Variants in ACOX3 observed in about 807,000 individuals in gnomAD.
ACOX3 encodes acyl-CoA oxidase 3, pristanoyl, also known as peroxisomal acyl-coenzyme A oxidase 3.
A neutral mutation model predicts 81.5 loss-of-function variants in ACOX3; 73 were observed. That is an observed-to-expected ratio of 0.90 (90% CI 0.74 to 1.09). The LOEUF (loss-of-function observed/expected upper bound fraction) is 1.09, where lower values mean the gene tolerates loss of function less well. Among genes scored for constraint, ACOX3 ranks in the 50% least tolerant of loss-of-function variants. The probability of loss-of-function intolerance (pLI) is 0.00; values close to 1 mark genes in which losing one functional copy is unlikely to be tolerated. For synonymous variants in ACOX3, 387 were observed against 375.1 expected (o/e 1.03, Z -0.37); for missense variants, 947 against 928.0 (o/e 1.02, Z -0.27).
intron 15 of ACOX3, 143 bp from the exon 16 acceptor site, chr4:8,373,771 GC>G: frequency 1.4e-6 from 1 of 711,016 alleles, no homozygotes; most frequent in Non-Finnish European, 2.4e-6. Flanking sequence ...GCTGTCCCCA[GC>G]CCAGATGTGA....
chr4:8,386,017 C>T lies in ACOX3; in HGVS notation c.1537+3156G>A, dbSNP rs1458993804. The stretch of plus-strand genomic sequence containing the variant: ...CATCTTGTAAATATTAGAGCAGTTG[C>T]AGAAAAGCAGATGACTTTGGTGTCT... On this transcript the variant is annotated intron_variant, in intron 13 of 17. Transcript: ENST00000356406. The surrounding 1 kb of genome is among the most constrained non-coding windows in gnomAD (Gnocchi z 5.2). 6.6e-6 allele frequency among the ~76,000 whole-genome samples: 1 copy of T among 152,174 alleles called. No individual in the cohort carries two copies. Among genetic ancestry groups the T allele is most frequent in the Non-Finnish European group, 1.5e-5 (1 of 68,040 alleles).
chr4:8,362,639 T>G (rs1183280132), downstream of ACOX3, among the ~76,000 whole-genome samples: 1 of 152,224 alleles, frequency 6.6e-6, no homozygotes, highest in Non-Finnish European at 1.5e-5. Context: ...CTTGGCGAAA[T>G]GCCTCATACC....
At chr4:8,388,701 G>T (rs1207962867) in intron 13 of ACOX3, among the ~76,000 whole-genome samples, 1 of 152,202 alleles carries the variant, frequency 6.6e-6, no homozygotes. Context: ...GTGCCACAGG[G>T]GCCGAGTGAA....
At chr4:8,364,174 C>T (rs1293741934), downstream of ACOX3, among the ~76,000 whole-genome samples, 5 of 152,162 alleles carry the variant, frequency 3.3e-5, no homozygotes, top group Non-Finnish European at 7.4e-5. This position sits in a 1 kb window ranked among gnomAD's most constrained non-coding sequence, Gnocchi z 5.0. Context: ...AACCAATGTG[C>T]ACTCTCCATG....
chr4:8,424,509 G>T (rs950623568), intron 1 of ACOX3, among the ~76,000 whole-genome samples: 1 of 152,226 alleles, frequency 6.6e-6, no homozygotes, highest in African/African-American at 2.4e-5. Flanking sequence ...TATGGGTAAT[G>T]GCAGCAGTAG....
intron 1 of ACOX3, among the ~76,000 whole-genome samples, chr4:8,424,285 C>T (rs1011620532): frequency 6.6e-6 from 1 of 152,226 alleles, no homozygotes; most frequent in South Asian, 2.1e-4. Flanking sequence ...AAGAAGGACA[C>T]CTGAAGCAGA....
chr4:8,408,894 GGGGGGGGGGT>G (rs1721349785), intron 6 of ACOX3, among the ~76,000 whole-genome samples: 2 of 47,818 alleles, frequency 4.2e-5, no homozygotes, highest in African/African-American at 7.5e-5. Flanking sequence ...CCCTCACTGG[GGGGGGGGGGT>G]GGGGGGGGGG....
intron 1 of ACOX3, among the ~76,000 whole-genome samples, chr4:8,420,889 T>C (rs1056485187): frequency 6.6e-6 from 1 of 152,218 alleles, no homozygotes; most frequent in Admixed American, 6.5e-5. Flanking sequence ...TGTTCCTGCA[T>C]GGCTAAGTGC....
At chr4:8,393,656 C>G (rs1719333432) in intron 10 of ACOX3, among the ~76,000 whole-genome samples, 1 of 149,956 alleles carries the variant, frequency 6.7e-6, no homozygotes, top group African/African-American at 2.4e-5. Context: ...CACACACACA[C>G]ACACGCATGC....
rs1195142894 is a variant in ACOX3 at position 8,414,754 on chromosome 4, C to A, written c.453+100G>T. The A allele has an allele frequency of 1.7e-6, 2 of 1,193,396 alleles. No homozygotes were observed. The highest frequency in any genetic ancestry group is 1.7e-5 in the African/African-American group (1 of 59,684). 73.9% of individuals were successfully genotyped at this position (1,193,396 alleles called of 1,614,324 possible). ...CACTAGGAAACAAGAAGAGCATAAG[C>A]CCCCTGGGCACCCCCTTCTACAATC... On this transcript the variant is annotated intron_variant, in intron 4 of 17. Coordinates refer to ENST00000356406, the MANE Select transcript of ACOX3 (RefSeq NM_003501.3). This position sits in a 1 kb window ranked among gnomAD's most constrained non-coding sequence, Gnocchi z 6.1.
At chr4:8,390,102 C>CAAAAAAAAAAAAAAAAAAAA in intron 11 of ACOX3, among the ~76,000 whole-genome samples, 1 of 84,156 alleles carries the variant, frequency 1.2e-5, no homozygotes, top group African/African-American at 6.5e-5. Flanking sequence ...GACCCTGTCT[C>CAAAAAAAAAAAAAAAAAAAA]AACAACAACA....
intron 7 of ACOX3, among the ~76,000 whole-genome samples, chr4:8,404,720 C>T (rs1287976879): frequency 6.6e-6 from 1 of 152,194 alleles, no homozygotes; most frequent in Non-Finnish European, 1.5e-5. Context: ...TCATGATAAC[C>T]AGTTATTTCC....
rs536872411 is a variant in ACOX3 at position 8,415,957 on chromosome 4, G to A, written c.187C>T (p.Arg63Cys). ...AAGGACAGATCGGCTCCAGGGGAACGAGCGAAAAGAGGGTCATTCTCAAGA... is the reference window on the plus strand; with the variant it reads ...AAGGACAGATCGGCTCCAGGGGAACAAGCGAAAAGAGGGTCATTCTCAAGA... ...SALENDPLFARSPGADLSLEK... is the reference protein window; with the variant it reads ...SALENDPLFACSPGADLSLEK... Residue 63 changes from arginine (R) to cysteine (C), a missense_variant, in exon 3 of 18, where the codon CGT (arginine) becomes TGT (cysteine). By Grantham distance (180) the Arg-to-Cys change is radical. Transcript: ENST00000356406. 33 of 1,614,178 alleles carry A rather than the reference G, an allele frequency of 2.0e-5. No homozygotes were observed. Among genetic ancestry groups the A allele is most frequent in the East Asian group, 6.7e-5 (3 of 44,888 alleles).
chr4:8,428,466 C>T (rs1723730763), intron 1 of ACOX3: 1 of 152,428 alleles, frequency 6.6e-6, no homozygotes, highest in Non-Finnish European at 1.5e-5. Flanking sequence ...CGCCACGCCT[C>T]TCGGCCTCCG....
rs1338325184 is a variant in ACOX3, at chr4:8,386,736, G to A, written c.1537+2437C>T. ...CGAGAAAGCAAGCAGTGATGCAGACGCTTCCTGATGACGATGCTGACGGTG... is the reference window on the plus strand; with the variant it reads ...CGAGAAAGCAAGCAGTGATGCAGACACTTCCTGATGACGATGCTGACGGTG... On this transcript the variant is annotated intron_variant, in intron 13 of 17. Transcript: ENST00000356406. This position sits in a 1 kb window ranked among gnomAD's most constrained non-coding sequence, Gnocchi z 5.2. 1.3e-5 allele frequency among the ~76,000 whole-genome samples: 2 copies of A among 152,146 alleles called. No individual in the cohort carries two copies. Among genetic ancestry groups the A allele is most frequent in the African/African-American group, 4.8e-5 (2 of 41,434 alleles).
chr4:8,402,066 GAAC>G (rs1442705559), intron 7 of ACOX3, among the ~76,000 whole-genome samples: 1 of 152,238 alleles, frequency 6.6e-6, no homozygotes, highest in African/African-American at 2.4e-5. Flanking sequence ...GGCATGGTAT[GAAC>G]AAGTCAGGTG....
rs1721054828 is a variant in ACOX3 at position 8,406,989 on chromosome 4, G to A, written c.688-946C>T. Among the ~76,000 whole-genome samples the A allele has an allele frequency of 6.6e-6, 1 of 152,170 alleles. No homozygotes were observed. The highest frequency in any genetic ancestry group is 2.4e-5 in the African/African-American group (1 of 41,440). ...AGGGAAAGGGAGACTCCCTTTCCCA[G>A]TCTGCTAAGTAGCAGGTGTTTTTCC... On this transcript the variant is annotated intron_variant, in intron 6 of 17. Coordinates refer to ENST00000356406, the MANE Select transcript of ACOX3 (RefSeq NM_003501.3). This position sits in a 1 kb window ranked among gnomAD's most constrained non-coding sequence, Gnocchi z 5.6.
rs538649969 is a variant in ACOX3, at chr4:8,423,046, C to A, written c.-14-6511G>T. ...AGCCCATGCCCCAGGTATGCTTGACCATTGGGGGCCAGAAGGTTAACTGTC... is the reference window on the plus strand; with the variant it reads ...AGCCCATGCCCCAGGTATGCTTGACAATTGGGGGCCAGAAGGTTAACTGTC... On this transcript the variant is annotated intron_variant, in intron 1 of 17. Transcript: ENST00000356406. This position sits in a 1 kb window ranked among gnomAD's most constrained non-coding sequence, Gnocchi z 4.2. Among the ~76,000 whole-genome samples, 1 of 152,274 alleles carries A rather than the reference C, an allele frequency of 6.6e-6. No individual in the cohort carries two copies. The highest frequency in any genetic ancestry group is 6.5e-5 in the Admixed American group (1 of 15,304).
At chr4:8,425,863 CGAGTA>C (rs1189892041) in intron 1 of ACOX3, among the ~76,000 whole-genome samples, 2 of 152,156 alleles carry the variant, frequency 1.3e-5, no homozygotes, top group African/African-American at 4.8e-5. Flanking sequence ...AGTAACCCAG[CGAGTA>C]TCGCAGACGT....
Sources: allele counts gnomAD v4.1 joint callset (sites outside exome capture counted in the v4.1 genomes callset), GRCh38; gene constraint gnomAD v4.1.1; non-coding constraint Gnocchi (gnomAD v3.1); transcripts MANE v1.5; gene names NCBI Gene and HGNC (gene_info 2026-07-23, HGNC 2026-07-21).